Variants in ELMO1 observed in about 807,000 individuals in gnomAD.
The protein encoded by ELMO1 is engulfment and cell motility protein 1.
A neutral mutation model predicts 98.9 loss-of-function variants in ELMO1; 26 were observed. The observed-to-expected ratio is 0.26, with a 90% CI of 0.19 to 0.36. The LOEUF (loss-of-function observed/expected upper bound fraction) is 0.36. Among genes scored for constraint, ELMO1 ranks in the 10% least tolerant of loss-of-function variants. ELMO1 has a pLI of 1.00. For synonymous variants in ELMO1, 346 were observed against 346.0 expected, an observed-to-expected ratio of 1.00 and a Z score of 0.00; for missense variants, 627 against 935.2, an observed-to-expected ratio of 0.67 and a Z score of 4.30.
At position 36,870,969 on chromosome 7, in the gene ELMO1, AT is replaced by A. The variant is rs1319627806; in HGVS notation, c.1823-495del. ...AGAGAAAGCAGCCCTATCTCAAAAA[AT>A]TTATCCAACTCTAAACAGTTCTGAA... On this transcript the variant is annotated intron_variant, in intron 19 of 21. Transcript: ENST00000310758. The surrounding 1 kb of genome is among the most constrained non-coding windows in gnomAD (Gnocchi z 4.4). Among the ~76,000 whole-genome samples the A allele has an allele frequency of 8.5e-5, 13 of 152,236 alleles. No homozygotes were observed. The highest frequency in any genetic ancestry group is 3.1e-4 in the African/African-American group (13 of 41,456).
intron 15 of ELMO1, among the ~76,000 whole-genome samples, chr7:37,022,394 A>T: frequency 6.6e-6 from 1 of 152,238 alleles, no homozygotes; most frequent in South Asian, 2.1e-4. Context: ...AAAAAGACAG[A>T]CAACCCAGTA....
intron 10 of ELMO1, among the ~76,000 whole-genome samples, chr7:37,221,805 C>T: frequency 6.6e-6 from 1 of 152,048 alleles, no homozygotes; most frequent in East Asian, 1.9e-4. Flanking sequence ...TCAAGTGATT[C>T]TCCTGCCTCA....
chr7:37,282,607 C>A (rs1316615137), intron 4 of ELMO1, among the ~76,000 whole-genome samples: 1 of 138,420 alleles, frequency 7.2e-6, no homozygotes, highest in African/African-American at 2.5e-5. Flanking sequence ...AAATAAAATC[C>A]AGACACCACC....
intron 7 of ELMO1, among the ~76,000 whole-genome samples, chr7:37,242,335 A>G (rs1257048545): frequency 6.6e-6 from 1 of 152,126 alleles, no homozygotes; most frequent in Non-Finnish European, 1.5e-5. Context: ...AAGACTCCCC[A>G]TCTGTGCATT....
intron 15 of ELMO1, among the ~76,000 whole-genome samples, chr7:37,076,465 C>T (rs962595238): frequency 6.6e-6 from 1 of 152,212 alleles, no homozygotes; most frequent in Non-Finnish European, 1.5e-5. Flanking sequence ...TCACCAGCCA[C>T]GATGACCAGT....
In ELMO1 at chr7:36,855,444, C is replaced by T; in HGVS notation, c.*107G>A. On this transcript the variant is annotated 3_prime_UTR_variant, in exon 22 of 22. Transcript: ENST00000310758. The surrounding 1 kb of genome is among the most constrained non-coding windows in gnomAD (Gnocchi z 4.2). The stretch of plus-strand genomic sequence containing the variant: ...TGCTGAAGGGAATGTGGACCCACAG[C>T]TTCCCTTTACCAAAGGACGGTTCCA... 2 of 1,416,942 alleles carry T rather than the reference C, an allele frequency of 1.4e-6. No individual in the cohort carries two copies. Among genetic ancestry groups the T allele is most frequent in the South Asian group, 1.3e-5 (1 of 79,656 alleles). 87.8% of individuals were successfully genotyped at this position (1,416,942 alleles called of 1,614,324 possible). A position where few individuals can be genotyped will look rare whatever the true frequency, so the allele number is the denominator to read the frequency against.
chr7:37,048,046 T>C (rs17170852), intron 15 of ELMO1, among the ~76,000 whole-genome samples: 14,882 of 152,292 alleles, frequency 0.098, 816 homozygotes, highest in Middle Eastern at 0.21. Context: ...TCTTCACATC[T>C]TGAAATTTAC....
At chr7:37,177,713 A>C (rs566363309) in intron 13 of ELMO1, among the ~76,000 whole-genome samples, 6 of 152,292 alleles carry the variant, frequency 3.9e-5, no homozygotes, top group African/African-American at 1.4e-4. Context: ...GTGGTCATGG[A>C]TTGATTAAGG....
intron 10 of ELMO1, among the ~76,000 whole-genome samples, chr7:37,222,314 T>C (rs753748305): frequency 3.9e-5 from 6 of 152,154 alleles, no homozygotes; most frequent in Non-Finnish European, 7.4e-5. Context: ...CAGCAGCGTT[T>C]TCATCTTTTT....
intron 16 of ELMO1, among the ~76,000 whole-genome samples, chr7:36,976,771 A>T (rs565382908): frequency 6.6e-6 from 1 of 152,322 alleles, no homozygotes; most frequent in East Asian, 1.9e-4. Flanking sequence ...GTTTTAATGT[A>T]CGTGTGGAAG....
At chr7:37,372,711 A>G (rs1432560759) in intron 1 of ELMO1, among the ~76,000 whole-genome samples, 1 of 152,208 alleles carries the variant, frequency 6.6e-6, no homozygotes, top group Non-Finnish European at 1.5e-5. Context: ...TTCATAAACA[A>G]CTGTCACCCT....
intron 13 of ELMO1, among the ~76,000 whole-genome samples, chr7:37,193,951 C>T (rs1791812405): frequency 6.6e-6 from 1 of 152,176 alleles, no homozygotes; most frequent in African/African-American, 2.4e-5. Context: ...GCCTCAGCAA[C>T]TTGTCCCTCT....
chr7:37,050,659 C>CACACAAAA (rs767009287), intron 15 of ELMO1, among the ~76,000 whole-genome samples: 16 of 142,628 alleles, frequency 1.1e-4, no homozygotes, highest in Non-Finnish European at 1.8e-4. Flanking sequence ...CACACACACA[C>CACACAAAA]AAAAGGTAAC....
At chr7:37,094,374 C>T (rs1227343664) in intron 15 of ELMO1, among the ~76,000 whole-genome samples, 1 of 152,190 alleles carries the variant, frequency 6.6e-6, no homozygotes, top group East Asian at 1.9e-4. Flanking sequence ...GTTACTTCAG[C>T]CCACAAATGG....
chr7:36,950,404 T>C (rs1295521224), intron 16 of ELMO1, among the ~76,000 whole-genome samples: 1 of 152,154 alleles, frequency 6.6e-6, no homozygotes, highest in Non-Finnish European at 1.5e-5. Flanking sequence ...CAGTTCACTC[T>C]TCACAGTGGG....
chr7:37,315,330 T>C (rs559266715), intron 3 of ELMO1, among the ~76,000 whole-genome samples: 25 of 152,342 alleles, frequency 1.6e-4, no homozygotes, highest in Admixed American at 6.5e-5. Context: ...CCTATCAGTA[T>C]AGTTGATGCA....
chr7:37,230,332 G>T (rs769362993), intron 8 of ELMO1, among the ~76,000 whole-genome samples: 24 of 152,158 alleles, frequency 1.6e-4, no homozygotes, highest in Non-Finnish European at 2.8e-4. Context: ...GAGAGCAGAA[G>T]AAATTGCTTA....
intron 15 of ELMO1, among the ~76,000 whole-genome samples, chr7:37,023,669 A>G (rs890285388): frequency 1.3e-5 from 2 of 152,044 alleles, no homozygotes; most frequent in African/African-American, 4.8e-5. Flanking sequence ...GTACAGTGGC[A>G]CTATCTCGGC....
intron 13 of ELMO1, among the ~76,000 whole-genome samples, chr7:37,133,937 C>G (rs771602970): frequency 5.3e-5 from 8 of 152,006 alleles, no homozygotes; most frequent in Non-Finnish European, 1.0e-4. Context: ...AAAAACAATC[C>G]AATTTAAAAG....
Sources: gnomAD v4.1 joint callset for allele counts (sites outside exome capture counted in the v4.1 genomes callset) on GRCh38, gnomAD v4.1.1 for gene constraint, Gnocchi (gnomAD v3.1) non-coding constraint, MANE v1.5 for transcripts, NCBI Gene and HGNC (gene_info 2026-07-23, HGNC 2026-07-21) for gene names.